The following NFIB variants were observed in gnomAD, a reference collection of about 807,000 sequenced individuals.
NFIB encodes the protein nuclear factor I B.
In NFIB, 11 loss-of-function variants were observed where a neutral mutation model predicts 61.5. The ratio of observed to expected loss-of-function variants is 0.18; its 90% CI spans 0.11 to 0.30. NFIB has a LOEUF of 0.30. Ranked by LOEUF, NFIB falls within the 10% of genes least tolerant of loss-of-function variation. The pLI, the probability that NFIB is intolerant of heterozygous loss-of-function variation, is 1.00. For missense variants in NFIB, 471 were observed against 608.9 expected (o/e 0.77, Z 2.38); for synonymous variants, 260 against 216.5 (o/e 1.20, Z -1.76).
chr9:14,390,133 A>C (rs2061602666), intron 1 of NFIB, among the ~76,000 whole-genome samples: 2 of 152,178 alleles, frequency 1.3e-5, no homozygotes, highest in Non-Finnish European at 2.9e-5. Context: ...AGCACCACTT[A>C]AAGTTCATTG....
intron 1 of NFIB, among the ~76,000 whole-genome samples, chr9:14,348,417 A>G (rs935771901): frequency 1.3e-5 from 2 of 152,034 alleles, no homozygotes; most frequent in African/African-American, 2.4e-5. Flanking sequence ...CGCCGTTCCA[A>G]ACGGCAGGGC....
intron 6 of NFIB, 85 bp from the exon 7 acceptor site, chr9:14,125,851 C>A: frequency 6.5e-7 from 1 of 1,529,938 alleles, no homozygotes; most frequent in Non-Finnish European, 8.8e-7. Context: ...TCTCATCTTG[C>A]AACATTTTAG....
intron 2 of NFIB, among the ~76,000 whole-genome samples, chr9:14,249,454 T>A (rs772086945): frequency 6.6e-6 from 1 of 152,236 alleles, no homozygotes; most frequent in Admixed American, 6.5e-5. Flanking sequence ...ACCAAATGAT[T>A]CACCACAATT....
intron 2 of NFIB, among the ~76,000 whole-genome samples, chr9:14,251,214 AATC>A (rs1401360029): frequency 2.0e-5 from 3 of 152,220 alleles, no homozygotes; most frequent in African/African-American, 7.2e-5. Context: ...CTCCAGGTGC[AATC>A]ACTGAATGAG....
At chr9:14,436,835 A>G in the NFIB span, among the ~76,000 whole-genome samples, 2 of 152,242 alleles carry the variant, frequency 1.3e-5, no homozygotes, top group Non-Finnish European at 2.9e-5. Flanking sequence ...TTCAGTGGAG[A>G]AGAAAACAGA....
chr9:14,273,721 A>G (rs968788373), intron 2 of NFIB, among the ~76,000 whole-genome samples: 1 of 152,232 alleles, frequency 6.6e-6, no homozygotes. Flanking sequence ...GATCATACAC[A>G]GTACAGAGAT....
At chr9:14,293,035 T>C (rs1563982663) in intron 2 of NFIB, among the ~76,000 whole-genome samples, 1 of 152,202 alleles carries the variant, frequency 6.6e-6, no homozygotes, top group Non-Finnish European at 1.5e-5. Flanking sequence ...GAATTCTAAA[T>C]GGTTTGTTTG....
intron 2 of NFIB, among the ~76,000 whole-genome samples, chr9:14,202,721 C>T (rs900872254): frequency 2.0e-5 from 3 of 152,122 alleles, no homozygotes; most frequent in African/African-American, 7.2e-5. Context: ...TCTAACGTAT[C>T]TGAGAAATGG....
chr9:14,318,379 A>C (rs2060587168), upstream of NFIB, among the ~76,000 whole-genome samples: 1 of 152,112 alleles, frequency 6.6e-6, no homozygotes, highest in African/African-American at 2.4e-5. Flanking sequence ...TCAAGTATCT[A>C]ATATTGTTTT....
At chr9:14,510,410 T>G in the NFIB span, among the ~76,000 whole-genome samples, 1 of 152,206 alleles carries the variant, frequency 6.6e-6, no homozygotes, top group Non-Finnish European at 1.5e-5. Context: ...TCAATTTTCT[T>G]TGACACTCTT....
the NFIB span, among the ~76,000 whole-genome samples, chr9:14,419,670 C>T: frequency 1.3e-5 from 2 of 152,206 alleles, no homozygotes; most frequent in Non-Finnish European, 2.9e-5. Context: ...ATGGTCCTCC[C>T]ACCCCTTCCT....
intron 2 of NFIB, among the ~76,000 whole-genome samples, chr9:14,269,526 T>C (rs1289031619): frequency 6.6e-6 from 1 of 152,214 alleles, no homozygotes; most frequent in Non-Finnish European, 1.5e-5. Context: ...TCTGTCAGGC[T>C]ATTGAGCGAT....
the NFIB span, among the ~76,000 whole-genome samples, chr9:14,462,867 TTAA>T: frequency 4.6e-5 from 7 of 152,340 alleles, no homozygotes; most frequent in Non-Finnish European, 8.8e-5. Flanking sequence ...CTGTTAGTTA[TTAA>T]CATGTTTTAA....
chr9:14,221,868 T>A (rs2051717848), intron 2 of NFIB, among the ~76,000 whole-genome samples: 1 of 152,244 alleles, frequency 6.6e-6, no homozygotes, highest in Admixed American at 6.5e-5. Flanking sequence ...GAAACTCTGG[T>A]AACTATGTCA....
At chr9:14,481,739 A>G in the NFIB span, among the ~76,000 whole-genome samples, 1 of 152,084 alleles carries the variant, frequency 6.6e-6, no homozygotes, top group African/African-American at 2.4e-5. Flanking sequence ...ACCTGCTAAC[A>G]TATAGAATGT....
the NFIB span, among the ~76,000 whole-genome samples, chr9:14,500,553 TTAGAG>T: frequency 6.6e-6 from 1 of 152,170 alleles, no homozygotes; most frequent in Non-Finnish European, 1.5e-5. Flanking sequence ...ACACTGTCCT[TTAGAG>T]TACTTGTCTC....
At chr9:14,408,852 C>T in the NFIB span, among the ~76,000 whole-genome samples, 1 of 151,848 alleles carries the variant, frequency 6.6e-6, no homozygotes, top group African/African-American at 2.4e-5. Flanking sequence ...TTTTTTAATC[C>T]TCATAGCAAC....
intron 2 of NFIB, among the ~76,000 whole-genome samples, chr9:14,299,749 T>C (rs1327912566): frequency 6.6e-6 from 1 of 152,212 alleles, no homozygotes; most frequent in African/African-American, 2.4e-5. Flanking sequence ...TGCTGTCCTG[T>C]TTAAGCTATC....
chr9:14,361,357 C>A (rs1188941080), intron 1 of NFIB: 7 of 151,946 alleles, frequency 4.6e-5, no homozygotes, highest in Non-Finnish European at 1.0e-4. Flanking sequence ...AACTAACACC[C>A]ACTTGTCTTG....
Sources: allele counts gnomAD v4.1 joint callset (sites outside exome capture counted in the v4.1 genomes callset), GRCh38; gene constraint gnomAD v4.1.1; transcripts MANE v1.5; gene names NCBI Gene and HGNC (gene_info 2026-07-23, HGNC 2026-07-21).